The following AFF4 variants were observed in gnomAD, a reference collection of about 807,000 sequenced individuals.
The protein encoded by AFF4 is ALF transcription elongation factor 4.
In AFF4, 13 loss-of-function variants were observed where a neutral mutation model predicts 124.8. The observed-to-expected ratio is 0.10, with a 90% CI of 0.07 to 0.17. AFF4 has a LOEUF of 0.17. Among genes scored for constraint, AFF4 ranks in the 10% least tolerant of loss-of-function variants. AFF4 has a pLI of 1.00. For missense variants in AFF4, 1,092 were observed against 1,403.8 expected, an observed-to-expected ratio of 0.78 and a Z score of 3.55; for synonymous variants, 477 against 496.1, an observed-to-expected ratio of 0.96 and a Z score of 0.51.
chr5:132,933,985 G>A (rs970645483), intron 3 of AFF4, among the ~76,000 whole-genome samples, 162 bp downstream of exon 3: 2 of 152,126 alleles, frequency 1.3e-5, no homozygotes, highest in Admixed American at 1.3e-4. Context: ...GCATCCACTT[G>A]GGAGTAACTC....
intron 5 of AFF4, among the ~76,000 whole-genome samples, chr5:132,908,874 G>A (rs1333463235): frequency 1.3e-5 from 2 of 149,880 alleles, no homozygotes; most frequent in African/African-American, 2.4e-5. Flanking sequence ...AGGTTCAAGC[G>A]ATTCTCCTGC....
At chr5:132,885,470 T>G (rs1016625574) in intron 18 of AFF4, among the ~76,000 whole-genome samples, 13 of 5,046 alleles carry the variant, frequency 2.6e-3, no homozygotes, top group Admixed American at 4.4e-3. Context: ...AAAAAAGGGG[T>G]GGGTGGGTGG....
At chr5:132,926,499 G>A (rs1411734628) in intron 5 of AFF4, among the ~76,000 whole-genome samples, 4 of 151,330 alleles carry the variant, frequency 2.6e-5, no homozygotes, top group South Asian at 4.2e-4. Flanking sequence ...ACCACCTCTG[G>A]CCTACAATAC....
At chr5:132,961,226 G>A (rs1373166393) in intron 1 of AFF4, among the ~76,000 whole-genome samples, 1 of 149,014 alleles carries the variant, frequency 6.7e-6, no homozygotes, top group Non-Finnish European at 1.5e-5. Context: ...TGCAACCTTC[G>A]CCTCCCAGTT....
At position 132,912,870 on chromosome 5, in the gene AFF4, C is replaced by CAT. The variant is rs1453692080; in HGVS notation, c.1051-8467_1051-8466insAT. On this transcript the variant is annotated intron_variant, in intron 5 of 20. Transcript: ENST00000265343. ...CACACACACAACACACACACACACA[C>CAT]ACACACACACACAAAAGGGCTGATG... Among the ~76,000 whole-genome samples, 65 of 151,806 alleles carry CAT rather than the reference C, an allele frequency of 4.3e-4. 1 individual carries two copies. The highest frequency in any genetic ancestry group is 7.9e-4 in the Non-Finnish European group (54 of 67,976).
chr5:132,961,294 C>G (rs1028304981), intron 1 of AFF4, among the ~76,000 whole-genome samples: 1 of 152,080 alleles, frequency 6.6e-6, no homozygotes, highest in Non-Finnish European at 1.5e-5. Context: ...GGACTACAGG[C>G]ATGTACCACC....
intron 11 of AFF4, among the ~76,000 whole-genome samples, chr5:132,894,061 G>A (rs984526011): frequency 2.0e-5 from 3 of 152,058 alleles, no homozygotes; most frequent in African/African-American, 4.8e-5. Flanking sequence ...TATTCATTTC[G>A]TTTAGTCATT....
At chr5:132,910,945 T>A (rs1004988912) in intron 5 of AFF4, among the ~76,000 whole-genome samples, 30 of 152,148 alleles carry the variant, frequency 2.0e-4, no homozygotes, top group African/African-American at 6.8e-4. Flanking sequence ...TTCTCCAAAC[T>A]ATCACTGGAA....
At chr5:132,892,961 A>G (rs1313704977) in intron 12 of AFF4, 69 bp downstream of exon 12, 22 of 1,440,744 alleles carry the variant, frequency 1.5e-5, no homozygotes, top group South Asian at 2.3e-5. Flanking sequence ...AGCATGTCAG[A>G]AAGTACCCAC....
intron 1 of AFF4, among the ~76,000 whole-genome samples, chr5:132,958,731 A>C (rs1490393488): frequency 6.6e-6 from 1 of 152,142 alleles, no homozygotes; most frequent in African/African-American, 2.4e-5. Flanking sequence ...TCTCTCCATA[A>C]AACTGTCCCT....
intron 5 of AFF4, among the ~76,000 whole-genome samples, chr5:132,910,571 T>C (rs536045154): frequency 1.2e-4 from 19 of 152,162 alleles, no homozygotes; most frequent in Non-Finnish European, 2.5e-4. Flanking sequence ...CACACAGAGC[T>C]TTTAGGTATA....
intron 7 of AFF4, 129 bp from the exon 8 acceptor site, chr5:132,899,770 A>G: frequency 1.5e-6 from 1 of 686,318 alleles, no homozygotes; most frequent in Non-Finnish European, 2.4e-6. Context: ...AAAACAAAAC[A>G]CCAGTAAGTC....
Position 132,934,678 on chromosome 5 carries a change from A to G in AFF4, c.387T>C (p.Ser129=), listed in dbSNP as rs771680506. ...QSQKRSSGLQ[S]GHSSQRTSAG... The stretch of plus-strand genomic sequence containing the variant: ...CGCTGGTCCGCTGGCTACTATGTCC[A>G]CTCTGTAAGCCTGAGGACCGTTTCT... The change falls in exon 3 of 21, where the codon AGT becomes AGC. Residue 129 remains serine, a synonymous_variant. Transcript: ENST00000265343. The G allele has an allele frequency of 6.8e-6, 11 of 1,613,730 alleles. No individual in the cohort carries two copies. The Admixed American group carries it at 1.8e-4, about 27-fold the overall frequency.
At chr5:132,953,651 T>C (rs958611054) in intron 1 of AFF4, among the ~76,000 whole-genome samples, 2 of 152,202 alleles carry the variant, frequency 1.3e-5, no homozygotes, top group South Asian at 2.1e-4. Context: ...CTCATCCTAA[T>C]AGTAATGCAT....
intron 5 of AFF4, among the ~76,000 whole-genome samples, chr5:132,917,211 G>A (rs922173177): frequency 3.3e-5 from 5 of 152,144 alleles, no homozygotes; most frequent in South Asian, 2.1e-4. Context: ...GAGCCACCAC[G>A]CCCAGCCAAA....
At chr5:132,883,114 G>T (rs559602992) in intron 20 of AFF4, among the ~76,000 whole-genome samples, 5 of 152,218 alleles carry the variant, frequency 3.3e-5, no homozygotes, top group African/African-American at 9.6e-5. Context: ...CTTAGTCCAA[G>T]AACTATTTTC....
Position 132,896,846 on chromosome 5 carries a change from C to T in AFF4, c.1784G>A (p.Ser595Asn), listed in dbSNP as rs1294005134. The part of the protein sequence containing the change: ...ESETPVDLAS[S>N]MPSSRHKAAT... ...TGCTTTGTGTCTGCTGGAGGGCATGCTGCTAGCCAAGTCTACAGGGGTTTC... is the reference window on the plus strand; with the variant it reads ...TGCTTTGTGTCTGCTGGAGGGCATGTTGCTAGCCAAGTCTACAGGGGTTTC... The change falls in exon 11 of 21, where the codon AGC becomes AAC. Residue 595 changes from serine (S) to asparagine (N), a missense_variant. Around this residue, in one of 11 missense-constraint regions of AFF4, gnomAD observed 174 missense variants for 205.9 expected, o/e 0.84. Transcript: ENST00000265343. 6.2e-7 allele frequency: 1 copy of T among 1,613,858 alleles called. No homozygotes were observed. Among genetic ancestry groups the T allele is most frequent in the Admixed American group, 1.7e-5 (1 of 59,960 alleles).
Position 132,896,320 on chromosome 5 carries a change from A to G in AFF4, c.2307+3T>C. ...AAACAAACAACAAAAACCCTTCACA[A>G]ACCTTATGCTTCCTCTTGCCTTTGT... On this transcript the variant is annotated splice_donor_region_variant and intron_variant, in intron 11 of 20. Coordinates refer to ENST00000265343, the MANE Select transcript of AFF4 (RefSeq NM_014423.4). 1 of 1,576,574 alleles carries G rather than the reference A, an allele frequency of 6.3e-7. No individual in the cohort carries two copies. The highest frequency in any genetic ancestry group is 8.6e-7 in the Non-Finnish European group (1 of 1,168,482).
In AFF4 at chr5:132,887,463, G is replaced by C. The variant is rs148169675; in HGVS notation, c.3005+58C>G. ...GAAAACATTCAGAAGAGCACACACA[G>C]CACTATTTATTATAGAACTTCCTGT... On this transcript the variant is annotated intron_variant, in intron 17 of 20. Coordinates refer to ENST00000265343, the MANE Select transcript of AFF4 (RefSeq NM_014423.4). The C allele has an allele frequency of 3.8e-5, 55 of 1,429,706 alleles. No homozygotes were observed. The African/African-American group carries it at 6.8e-4, about 18-fold the overall frequency. The allele number at this position is 1,429,706 out of a possible 1,614,324, so 88.6% of individuals were successfully genotyped here.
Sources: allele counts gnomAD v4.1 joint callset (sites outside exome capture counted in the v4.1 genomes callset), GRCh38; gene constraint gnomAD v4.1.1; regional missense constraint gnomAD v4.1.1; transcripts MANE v1.5; gene names NCBI Gene and HGNC (gene_info 2026-07-23, HGNC 2026-07-21).